TEK: variants seen among roughly 807,000 people sequenced by gnomAD.
The protein encoded by TEK is angiopoietin-1 receptor.
A neutral mutation model predicts 131.8 loss-of-function variants in TEK; 43 were observed. The ratio of observed to expected loss-of-function variants is 0.33; its 90% CI spans 0.26 to 0.42. The LOEUF (loss-of-function observed/expected upper bound fraction) is 0.42, where lower values mean the gene tolerates loss of function less well. Among genes scored for constraint, TEK ranks in the 10% least tolerant of loss-of-function variants. TEK has a pLI of 1.00. For synonymous variants in TEK, 580 were observed against 491.6 expected, an observed-to-expected ratio of 1.18 and a Z score of -2.38; for missense variants, 1,162 against 1,384.4, an observed-to-expected ratio of 0.84 and a Z score of 2.55.
At chr9:27,207,068 A>G (rs182171462) in intron 15 of TEK, among the ~76,000 whole-genome samples, 2 of 152,320 alleles carry the variant, frequency 1.3e-5, no homozygotes, top group East Asian at 3.9e-4. Flanking sequence ...GCGGAGCATC[A>G]TTGTTTCTCT....
chr9:27,211,199 A>ATATGAATATATATGTGTATATG (rs1296630257), intron 16 of TEK, among the ~76,000 whole-genome samples: 65 of 147,348 alleles, frequency 4.4e-4, no homozygotes, highest in Admixed American at 1.5e-3. Flanking sequence ...ATATGTATAT[A>ATATGAATATATATGTGTATATG]TATGAATATA....
intron 1 of TEK, among the ~76,000 whole-genome samples, chr9:27,124,368 C>T (rs1821909697): frequency 6.6e-6 from 1 of 152,236 alleles, no homozygotes; most frequent in Admixed American, 6.5e-5. Context: ...TGTGGGTTTC[C>T]TGGATGACTC....
At chr9:27,136,635 T>C (rs1438482026) in intron 1 of TEK, among the ~76,000 whole-genome samples, 1 of 152,028 alleles carries the variant, frequency 6.6e-6, no homozygotes, top group African/African-American at 2.4e-5. Flanking sequence ...GTATTGTGAG[T>C]ACAACACACT....
intron 1 of TEK, among the ~76,000 whole-genome samples, chr9:27,122,750 A>G (rs996362665): frequency 6.6e-6 from 1 of 151,944 alleles, no homozygotes; most frequent in Admixed American, 6.6e-5. Context: ...AGCTTCAACT[A>G]TATCAAAAAT....
At chr9:27,112,585 A>G (rs185418632) in intron 1 of TEK, among the ~76,000 whole-genome samples, 39 of 152,190 alleles carry the variant, frequency 2.6e-4, no homozygotes, top group Non-Finnish European at 4.6e-4. Context: ...TCAAAAGACT[A>G]TGTGATGTTC....
intron 1 of TEK, among the ~76,000 whole-genome samples, chr9:27,134,667 G>A (rs1210335025): frequency 6.6e-6 from 1 of 152,170 alleles, no homozygotes; most frequent in African/African-American, 2.4e-5. Flanking sequence ...ATTTTCCAGT[G>A]TAACCCTAGA....
chr9:27,142,508 AT>A (rs1329019017), intron 1 of TEK, among the ~76,000 whole-genome samples: 3 of 152,384 alleles, frequency 2.0e-5, no homozygotes, highest in East Asian at 3.9e-4. Flanking sequence ...TCAGGCCATA[AT>A]TTCTGGGCTA....
chr9:27,215,330 G>T (rs553126339), intron 18 of TEK, among the ~76,000 whole-genome samples: 3 of 152,228 alleles, frequency 2.0e-5, no homozygotes, highest in East Asian at 3.9e-4. Flanking sequence ...AGGGAAGGGG[G>T]AAGAAAGAAG....
chr9:27,194,252 C>A (rs1361014358), intron 11 of TEK, among the ~76,000 whole-genome samples: 2 of 152,272 alleles, frequency 1.3e-5, no homozygotes, highest in African/African-American at 2.4e-5. Context: ...AGTGAAAAAA[C>A]CAGGAAGAAC....
chr9:27,169,701 C>T lies in TEK; in HGVS notation c.628+72C>T, dbSNP rs1564073423. On this transcript the variant is annotated intron_variant, in intron 4 of 22. Coordinates refer to ENST00000380036, the MANE Select transcript of TEK (RefSeq NM_000459.5). ...TGTTAGGATTTTTAGTTGCAAATAACAGAAACTAACCATGGCTTCTTAAGC... is the reference window on the plus strand; with the variant it reads ...TGTTAGGATTTTTAGTTGCAAATAATAGAAACTAACCATGGCTTCTTAAGC... 3.1e-6 allele frequency: 5 copies of T among 1,600,694 alleles called. No homozygotes were observed. The African/African-American group carries it at 4.0e-5, about 13-fold the overall frequency.
chr9:27,138,706 T>A (rs1822599406), intron 1 of TEK, among the ~76,000 whole-genome samples: 1 of 152,194 alleles, frequency 6.6e-6, no homozygotes, highest in African/African-American at 2.4e-5. Flanking sequence ...CAGCTGTTTT[T>A]CAATCACAGA....
chr9:27,197,168 G>A (rs761427155), intron 11 of TEK, 147 bp from the exon 12 acceptor site: 22 of 761,376 alleles, frequency 2.9e-5, no homozygotes, highest in Non-Finnish European at 4.1e-5. Context: ...ACCATTCATG[G>A]GAAGTCACAC....
At chr9:27,219,955 T>A in intron 20 of TEK, 94 bp from the exon 21 acceptor site, 1 of 1,296,864 alleles carries the variant, frequency 7.7e-7, no homozygotes, top group Non-Finnish European at 1.1e-6. Flanking sequence ...CCATACCATG[T>A]CTTCCTCCTG....
Position 27,192,507 on chromosome 9 carries a change from C to G in TEK, c.1508C>G (p.Thr503Arg), listed in dbSNP as rs748262199. ...TTCTCAGTGACAAATGAGATTGTTA[C>G]ACTCAACTATTTGGAACCTCGGACA... Reference protein sequence around the residue: ...QHIQVTNEIVTLNYLEPRTEY... With the variant: ...QHIQVTNEIVRLNYLEPRTEY... The change falls in exon 11 of 23, where the codon ACA becomes AGA. Residue 503 changes from threonine to arginine, a missense_variant. Coordinates refer to ENST00000380036, the MANE Select transcript of TEK (RefSeq NM_000459.5). 1.9e-6 allele frequency: 3 copies of G among 1,613,648 alleles called. No individual in the cohort carries two copies. In the East Asian group the frequency reaches 6.7e-5, roughly 36 times the overall value.
intron 6 of TEK, among the ~76,000 whole-genome samples, chr9:27,178,108 G>C (rs1252108657): frequency 6.6e-6 from 1 of 152,050 alleles, no homozygotes; most frequent in Non-Finnish European, 1.5e-5. Context: ...GTCTTATGTT[G>C]TGTCTTTAGT....
At chr9:27,164,486 A>AT (rs552297355) in intron 2 of TEK, among the ~76,000 whole-genome samples, 19 of 151,874 alleles carry the variant, frequency 1.3e-4, no homozygotes, top group Non-Finnish European at 2.6e-4. Flanking sequence ...CGCCCGGCTA[A>AT]TTTTTTGTAT....
intron 18 of TEK, among the ~76,000 whole-genome samples, chr9:27,214,557 T>C (rs1039783057): frequency 6.6e-6 from 1 of 152,224 alleles, no homozygotes; most frequent in Non-Finnish European, 1.5e-5. Context: ...TTTCCCATCA[T>C]ACTTATTTTA....
At chr9:27,219,755 T>TCAG (rs1564107904) in intron 20 of TEK, among the ~76,000 whole-genome samples, 1 of 139,256 alleles carries the variant, frequency 7.2e-6, no homozygotes, top group African/African-American at 2.8e-5. Flanking sequence ...ATTGGTATAA[T>TCAG]AAAGGTTAAT....
chr9:27,200,778 G>C (rs1273711924), intron 12 of TEK, among the ~76,000 whole-genome samples: 3 of 152,122 alleles, frequency 2.0e-5, no homozygotes, highest in African/African-American at 7.2e-5. Flanking sequence ...ATGTTTTCCT[G>C]TTGGAAAACA....
Sources: allele counts gnomAD v4.1 joint callset (sites outside exome capture counted in the v4.1 genomes callset), GRCh38; gene constraint gnomAD v4.1.1; transcripts MANE v1.5; gene names NCBI Gene and HGNC (gene_info 2026-07-23, HGNC 2026-07-21).